Variants in LRP1B observed in about 807,000 individuals in gnomAD.
LRP1B encodes LDL receptor related protein 1B.
LRP1B carries 217 observed loss-of-function variants against 556.6 expected under a neutral mutation model. The observed-to-expected ratio is 0.39, with a 90% CI of 0.35 to 0.44. The LOEUF is 0.44. Ranked by LOEUF, LRP1B falls within the 20% of genes least tolerant of loss-of-function variation. LRP1B has a pLI of 1.00. For missense variants in LRP1B, 5,053 were observed against 5,620.8 expected (o/e 0.90, Z 3.23); for synonymous variants, 2,047 against 1,865.8 (o/e 1.10, Z -2.50).
chr2:141,812,267 A>G (rs7593831), intron 1 of LRP1B, among the ~76,000 whole-genome samples: 5,001 of 152,196 alleles, frequency 0.033, 294 homozygotes, highest in African/African-American at 0.11. Flanking sequence ...AGACCATATA[A>G]TTTATCACCA....
intron 1 of LRP1B, among the ~76,000 whole-genome samples, chr2:141,906,705 G>A (rs1699769757): frequency 6.6e-6 from 1 of 151,978 alleles, no homozygotes; most frequent in African/African-American, 2.4e-5. Flanking sequence ...TGAAACAGTT[G>A]ATGTAAAAGC....
intron 7 of LRP1B, among the ~76,000 whole-genome samples, chr2:141,109,675 A>C (rs1315226100): frequency 6.6e-6 from 1 of 151,906 alleles, no homozygotes; most frequent in Non-Finnish European, 1.5e-5. Context: ...GCAAAAAAAA[A>C]AAAAAATACT....
intron 3 of LRP1B, among the ~76,000 whole-genome samples, chr2:141,309,067 G>A (rs1292856705): frequency 1.3e-5 from 2 of 152,142 alleles, no homozygotes; most frequent in Admixed American, 6.6e-5. Context: ...TTGAATTTTA[G>A]CACATGGTTT....
intron 2 of LRP1B, among the ~76,000 whole-genome samples, chr2:141,650,679 A>G (rs1689752223): frequency 1.3e-5 from 2 of 152,188 alleles, no homozygotes; most frequent in Admixed American, 1.3e-4. Flanking sequence ...TGATGTTAGA[A>G]CATATTTGAA....
At chr2:141,577,745 T>G (rs1188162260) in intron 2 of LRP1B, among the ~76,000 whole-genome samples, 1 of 152,196 alleles carries the variant, frequency 6.6e-6, no homozygotes, top group Non-Finnish European at 1.5e-5. Flanking sequence ...ATGTATTAAA[T>G]TGTACTTTTG....
intron 7 of LRP1B, among the ~76,000 whole-genome samples, chr2:141,117,922 T>G (rs1700946686): frequency 1.3e-5 from 2 of 152,000 alleles, no homozygotes; most frequent in African/African-American, 4.8e-5. Flanking sequence ...AGACTTCCCT[T>G]GGATGTCTCT....
In LRP1B at chr2:141,410,169, C is replaced by G. The variant is rs1039239921; in HGVS notation, c.343+70227G>C. ...TGGCTTCCGACACCCAAGAACATTC[C>G]TTAGCTTATCCCAAACTGTTATGTG... is the stretch of plus-strand genomic sequence containing the variant. On this transcript the variant is annotated intron_variant, in intron 3 of 90. Coordinates refer to ENST00000389484, the MANE Select transcript of LRP1B (RefSeq NM_018557.3). 2.6e-5 allele frequency among the ~76,000 whole-genome samples: 4 copies of G among 152,142 alleles called. No individual in the cohort carries two copies. The South Asian group carries it at 8.3e-4, about 32-fold the overall frequency.
chr2:140,664,368 C>T (rs1685197801), intron 41 of LRP1B, among the ~76,000 whole-genome samples: 3 of 152,040 alleles, frequency 2.0e-5, no homozygotes, highest in African/African-American at 7.2e-5. Context: ...TCCCTTCTAT[C>T]TATCTTGAAG....
chr2:140,335,194 G>GTGTATA (rs1553449247), intron 78 of LRP1B, among the ~76,000 whole-genome samples: 3,463 of 151,086 alleles, frequency 0.023, 49 homozygotes, highest in Non-Finnish European at 0.023. Context: ...GTGTGCATGT[G>GTGTATA]TATATATATA....
chr2:140,579,213 C>G (rs913612900), intron 43 of LRP1B, among the ~76,000 whole-genome samples: 1 of 152,140 alleles, frequency 6.6e-6, no homozygotes, highest in African/African-American at 2.4e-5. Context: ...TCATGAGACA[C>G]AGGAATATAT....
intron 35 of LRP1B, among the ~76,000 whole-genome samples, chr2:140,720,974 C>G (rs1687379718): frequency 6.6e-6 from 1 of 152,202 alleles, no homozygotes; most frequent in Admixed American, 6.5e-5. Flanking sequence ...TCTGCATTTA[C>G]CATGAACATT....
intron 2 of LRP1B, among the ~76,000 whole-genome samples, chr2:141,505,090 CCTCT>C (rs35936327): frequency 0.15 from 22,140 of 150,982 alleles, 1,733 homozygotes; most frequent in African/African-American, 0.17. Flanking sequence ...ATAAATCCCT[CCTCT>C]CTCTCTCTAT....
At chr2:141,803,418 T>C (rs958345450) in intron 2 of LRP1B, among the ~76,000 whole-genome samples, 6 of 151,880 alleles carry the variant, frequency 4.0e-5, no homozygotes, top group African/African-American at 1.5e-4. Flanking sequence ...GGGAGTCTTT[T>C]TATTATTAAA....
chr2:141,710,618 A>G (rs922773863), intron 2 of LRP1B, among the ~76,000 whole-genome samples: 1 of 152,198 alleles, frequency 6.6e-6, no homozygotes, highest in African/African-American at 2.4e-5. Flanking sequence ...GATCTGTTTC[A>G]TAGAGGAAGT....
chr2:141,245,741 A>G (rs1267322857), intron 5 of LRP1B, among the ~76,000 whole-genome samples: 2 of 152,186 alleles, frequency 1.3e-5, no homozygotes. Flanking sequence ...TAGGCTGAAA[A>G]CTGTGTAGAA....
intron 3 of LRP1B, among the ~76,000 whole-genome samples, chr2:141,305,440 A>G (rs1686550144): frequency 6.6e-6 from 1 of 152,092 alleles, no homozygotes; most frequent in South Asian, 2.1e-4. Flanking sequence ...TGTTGATTTT[A>G]TATCCTATGA....
In LRP1B at chr2:140,951,917, TTAG is replaced by T; in HGVS notation, c.2908_2910del (p.Leu970del). 1 of 1,613,804 alleles carries T rather than the reference TTAG, an allele frequency of 6.2e-7. No homozygotes were observed. Among genetic ancestry groups the T allele is most frequent in the Admixed American group, 1.7e-5 (1 of 60,006 alleles). ...CTTCCACTTTTGCATACGAATTGGG[TTAG>T]TGGCTCACAAGTTGGGAATTCTGTG... On this transcript the variant is annotated inframe_deletion, in exon 19 of 91. Transcript: ENST00000389484.
At chr2:141,398,037 T>C (rs1226465340) in intron 3 of LRP1B, among the ~76,000 whole-genome samples, 1 of 152,150 alleles carries the variant, frequency 6.6e-6, no homozygotes, top group East Asian at 1.9e-4. Flanking sequence ...AAGATACTCT[T>C]CATCGTATCA....
chr2:142,112,109 A>G (rs1707011141), intron 1 of LRP1B, among the ~76,000 whole-genome samples: 1 of 152,080 alleles, frequency 6.6e-6, no homozygotes, highest in Non-Finnish European at 1.5e-5. Context: ...AACTTACATC[A>G]CAGTTATTAA....
Sources: gnomAD v4.1 joint callset for allele counts (sites outside exome capture counted in the v4.1 genomes callset) on GRCh38, gnomAD v4.1.1 for gene constraint, MANE v1.5 for transcripts, NCBI Gene and HGNC (gene_info 2026-07-23, HGNC 2026-07-21) for gene names.